ASXL1: variants seen among roughly 807,000 people sequenced by gnomAD.
ASXL1 encodes the protein ASXL transcriptional regulator 1.
ASXL1 carries 65 observed loss-of-function variants against 89.1 expected under a neutral mutation model. That is an observed-to-expected ratio of 0.73 (90% CI 0.60 to 0.90). The LOEUF is 0.90. ASXL1 is among the 40% of genes least tolerant of loss of function. The pLI is 0.00. For synonymous variants in ASXL1, 739 were observed against 746.9 expected (o/e 0.99, Z 0.17); for missense variants, 1,786 against 1,942.9 (o/e 0.92, Z 1.52).
chr20:32,432,600 A>G (rs948491529), intron 10 of ASXL1: 7 of 395,432 alleles, frequency 1.8e-5, no homozygotes, highest in Admixed American at 3.7e-5. Context: ...AGAGTAAACA[A>G]TCAGGCCTAC....
At chr20:32,412,413 A>G (rs2049064212) in intron 4 of ASXL1, among the ~76,000 whole-genome samples, 1 of 152,166 alleles carries the variant, frequency 6.6e-6, no homozygotes, top group South Asian at 2.1e-4. Flanking sequence ...GCCTAAGGAT[A>G]TATAGTCAAA....
At position 32,435,125 on chromosome 20, in the gene ASXL1, C is replaced by T; in HGVS notation, c.2413C>T (p.Pro805Ser). ...GGAAAGTGATGATGAGGAGCAAGGA[C>T]CCACCGTTCCTGCAGACAATGGTCC... is the stretch of plus-strand genomic sequence containing the variant. Reference protein sequence around the residue: ...SWESDDEEQGPTVPADNGPIP... With the variant: ...SWESDDEEQGSTVPADNGPIP... The change falls in exon 13 of 13, where the codon CCC becomes TCC. Residue 805 changes from proline to serine, a missense_variant. Pro to Ser is a moderately conservative substitution (Grantham distance 74, BLOSUM62 -1). This residue lies in a region of ASXL1 where 1,418 missense variants were observed against 1,427.8 expected (regional missense o/e 0.99). Coordinates refer to ENST00000375687, the MANE Select transcript of ASXL1 (RefSeq NM_015338.6). 6.2e-7 allele frequency: 1 copy of T among 1,613,896 alleles called. No homozygotes were observed.
intron 4 of ASXL1, among the ~76,000 whole-genome samples, chr20:32,401,115 T>C (rs192593752): frequency 3.9e-5 from 6 of 152,350 alleles, no homozygotes; most frequent in Admixed American, 6.5e-5. Flanking sequence ...TTATTAAAAC[T>C]AGGAAATTGA....
rs868859861 is a variant in ASXL1, at chr20:32,434,837, G to T, written c.2125G>T (p.Ala709Ser). 2.5e-6 allele frequency: 4 copies of T among 1,614,106 alleles called. No homozygotes were observed. The Middle Eastern group carries it at 6.6e-4, about 266-fold the overall frequency. The change falls in exon 13 of 13, where the codon GCC becomes TCC. Residue 709 changes from alanine to serine, a missense_variant. Physicochemically the swap from Ala to Ser is moderately conservative, Grantham distance 99. This residue lies in a region of ASXL1 where 1,418 missense variants were observed against 1,427.8 expected (regional missense o/e 0.99). Coordinates refer to ENST00000375687, the MANE Select transcript of ASXL1 (RefSeq NM_015338.6). ...PYPLNGEHTQ[A>S]GTAMSRARRE... is the part of the protein sequence containing the mutation. ...TCCTCTAAATGGGGAGCATACCCAG[G>T]CCGGAACTGCCATGTCCAGAGCTAG...
intron 4 of ASXL1, among the ~76,000 whole-genome samples, chr20:32,422,622 T>A (rs8123573): frequency 0.023 from 3,354 of 146,380 alleles, 131 homozygotes; most frequent in African/African-American, 0.081. Flanking sequence ...AGTCTTGCAC[T>A]GTCTCCCAGG....
intron 4 of ASXL1, among the ~76,000 whole-genome samples, chr20:32,407,745 T>TGCCTG (rs926604976): frequency 2.6e-5 from 4 of 152,148 alleles, no homozygotes; most frequent in Non-Finnish European, 4.4e-5. Flanking sequence ...TGAGCCACCA[T>TGCCTG]GCCTGGCCTG....
chr20:32,404,141 A>G (rs1600531988), intron 4 of ASXL1, among the ~76,000 whole-genome samples: 1 of 152,220 alleles, frequency 6.6e-6, no homozygotes, highest in Admixed American at 6.5e-5. Flanking sequence ...GTATGTTTGT[A>G]CCCATTGACC....
intron 1 of ASXL1, 31 bp from the exon 2 acceptor site, chr20:32,366,353 C>T: frequency 6.4e-7 from 1 of 1,555,882 alleles, no homozygotes; most frequent in Non-Finnish European, 8.9e-7. Flanking sequence ...GGAAATTGCA[C>T]ACTGAAATTA....
At chr20:32,393,383 C>T (rs62206923) in intron 4 of ASXL1, among the ~76,000 whole-genome samples, 1 of 151,978 alleles carries the variant, frequency 6.6e-6, no homozygotes, top group African/African-American at 2.4e-5. Context: ...TTTTTTTTCC[C>T]AGGCATCATG....
Position 32,433,402 on chromosome 20 carries a change from C to G in ASXL1, c.1204C>G (p.Arg402Gly), listed in dbSNP as rs2123255452. ...SVRIQRGPAT[R>G]QRDGHFKKRS... ...GCGTATACAGCGTGGTCCAGCCACC[C>G]GACAGCGAGATGGGCATTTTAAGAA... Residue 402 changes from arginine to glycine, a missense_variant, in exon 12 of 13, where the codon CGA (arginine) becomes GGA (glycine). Physicochemically the swap from Arg to Gly is moderately radical, Grantham distance 125 (BLOSUM62 -2). Coordinates refer to ENST00000375687, the MANE Select transcript of ASXL1 (RefSeq NM_015338.6). The G allele has an allele frequency of 1.2e-6, 2 of 1,614,128 alleles. No homozygotes were observed. Among genetic ancestry groups the G allele is most frequent in the East Asian group, 2.2e-5 (1 of 44,882 alleles).
intron 1 of ASXL1, among the ~76,000 whole-genome samples, chr20:32,361,048 A>G (rs542072423): frequency 3.7e-4 from 56 of 151,322 alleles, no homozygotes; most frequent in African/African-American, 1.2e-3. Flanking sequence ...CGCCCAGCCT[A>G]TGAGTAGGAA....
Position 32,437,160 on chromosome 20 carries a change from G to A in ASXL1, c.4448G>A (p.Ser1483Asn), listed in dbSNP as rs2145396290. The A allele has an allele frequency of 1.9e-6, 3 of 1,614,176 alleles. No individual in the cohort carries two copies. Among genetic ancestry groups the A allele is most frequent in the Middle Eastern group, 1.6e-4 (1 of 6,062 alleles). The change falls in exon 13 of 13, where the codon AGC (serine) becomes AAC (asparagine). Residue 1483 changes from serine (S) to asparagine (N), a missense_variant. Coordinates refer to ENST00000375687, the MANE Select transcript of ASXL1 (RefSeq NM_015338.6). The part of the protein sequence containing the change: ...QLSHKANFGA[S>N]HSASLSLQMF... Reference sequence around the variant, plus strand: ...AGCCACAAAGCAAACTTTGGTGCGAGCCACAGTGCATCACTTTCCTTGCAA... The same window carrying A: ...AGCCACAAAGCAAACTTTGGTGCGAACCACAGTGCATCACTTTCCTTGCAA...
At chr20:32,374,885 A>C (rs2048352027) in intron 4 of ASXL1, among the ~76,000 whole-genome samples, 1 of 152,228 alleles carries the variant, frequency 6.6e-6, no homozygotes, top group African/African-American at 2.4e-5. Context: ...ATTTATTTTG[A>C]AAAATTTCAA....
rs188788333 is a variant in ASXL1, at chr20:32,358,884, C to T, written c.57+52C>T. On this transcript the variant is annotated intron_variant, in intron 1 of 12. Coordinates refer to ENST00000375687, the MANE Select transcript of ASXL1 (RefSeq NM_015338.6). Reference sequence around the variant, plus strand: ...CGTGGGGCCCGGGGTGGGGGGGGCTCGCCGCGCACCCCCCCACTGGGGGGG... The same window carrying T: ...CGTGGGGCCCGGGGTGGGGGGGGCTTGCCGCGCACCCCCCCACTGGGGGGG... 1,233 of 1,432,950 alleles carry T rather than the reference C, an allele frequency of 8.6e-4. 26 individuals carry two copies. The East Asian group carries it at 0.03, about 35-fold the overall frequency. The allele number at this position is 1,432,950 out of a possible 1,614,324, so 88.8% of individuals were successfully genotyped here. A position where few individuals can be genotyped will look rare whatever the true frequency, so the allele number is the denominator to read the frequency against.
At chr20:32,368,951 G>T in intron 3 of ASXL1, 64 bp from the exon 4 acceptor site, 1 of 1,369,048 alleles carries the variant, frequency 7.3e-7, no homozygotes, top group Non-Finnish European at 1.0e-6. Flanking sequence ...GAGTTGGAGG[G>T]ATTAGGTCTT....
At chr20:32,359,014 A>G in intron 1 of ASXL1, 182 bp downstream of exon 1, 1 of 666,476 alleles carries the variant, frequency 1.5e-6, no homozygotes, top group Non-Finnish European at 2.5e-6. Flanking sequence ...CCGGGATGGG[A>G]TGTGGCGCCT....
Position 32,435,730 on chromosome 20 carries a change from A to G in ASXL1, c.3018A>G (p.Glu1006=), listed in dbSNP as rs559302455. The G allele has an allele frequency of 6.2e-7, 1 of 1,614,208 alleles. No homozygotes were observed. The highest frequency in any genetic ancestry group is 1.7e-5 in the Admixed American group (1 of 60,024). The change falls in exon 13 of 13, where the codon GAA becomes GAG. Residue 1006 remains glutamate (E), a synonymous_variant. Coordinates refer to ENST00000375687, the MANE Select transcript of ASXL1 (RefSeq NM_015338.6). The part of the protein sequence containing the change: ...GESTDTASDF[E]GHLTEDSSEA... ...CCACGGATACAGCCTCTGACTTTGA[A>G]GGTCACCTCACGGAGGACAGCAGTG...
chr20:32,379,541 C>G (rs979632463), intron 4 of ASXL1, among the ~76,000 whole-genome samples: 1 of 151,354 alleles, frequency 6.6e-6, no homozygotes, highest in African/African-American at 2.4e-5. Flanking sequence ...CATAAGATGT[C>G]ACGGCCAGGC....
At chr20:32,401,041 C>G (rs1031908012) in intron 4 of ASXL1, among the ~76,000 whole-genome samples, 3 of 152,106 alleles carry the variant, frequency 2.0e-5, no homozygotes, top group Non-Finnish European at 2.9e-5. Context: ...AGAAATAATA[C>G]AGAGTTCTGA....
Sources: allele counts gnomAD v4.1 joint callset (sites outside exome capture counted in the v4.1 genomes callset), GRCh38; gene constraint gnomAD v4.1.1; regional missense constraint gnomAD v4.1.1; transcripts MANE v1.5; gene names NCBI Gene and HGNC (gene_info 2026-07-23, HGNC 2026-07-21).